The following PRKN variants were observed in gnomAD, a reference collection of about 807,000 sequenced individuals.
The protein encoded by PRKN is parkin RBR E3 ubiquitin protein ligase.
In PRKN, 56 loss-of-function variants were observed where a neutral mutation model predicts 59.5. The ratio of observed to expected loss-of-function variants is 0.94; its 90% CI spans 0.76 to 1.18. PRKN has a LOEUF of 1.18. Among genes scored for constraint, PRKN ranks in the 50% most tolerant of loss-of-function variants. PRKN has a pLI of 0.00. For synonymous variants in PRKN, 250 were observed against 222.1 expected (o/e 1.13, Z -1.12); for missense variants, 657 against 596.4 (o/e 1.10, Z -1.06).
chr6:162,507,759 T>C (rs2080840547), intron 1 of PRKN, among the ~76,000 whole-genome samples: 1 of 152,204 alleles, frequency 6.6e-6, no homozygotes, highest in African/African-American at 2.4e-5. Context: ...AGTGTGAGCT[T>C]CAACAAGACG....
intron 4 of PRKN, among the ~76,000 whole-genome samples, chr6:162,137,372 T>C (rs1781595430): frequency 6.6e-6 from 1 of 152,198 alleles, no homozygotes; most frequent in Non-Finnish European, 1.5e-5. Flanking sequence ...CAAATGTCTG[T>C]AGAGATTACA....
chr6:161,388,529 G>T lies in PRKN; in HGVS notation c.1084-1652C>A, dbSNP rs1366239569. Among the ~76,000 whole-genome samples the T allele has an allele frequency of 1.3e-5, 2 of 152,182 alleles. No homozygotes were observed. Among genetic ancestry groups the T allele is most frequent in the East Asian group, 3.9e-4 (2 of 5,188 alleles). On this transcript the variant is annotated intron_variant, in intron 9 of 11. Transcript: ENST00000366898. This position sits in a 1 kb window ranked among gnomAD's most constrained non-coding sequence, Gnocchi z 4.3. ...TCCACAAGTATGGTGTGTGGATGATGGTGGTGGTCTTAGAGCATAGAGGCA... is the reference window on the plus strand; with the variant it reads ...TCCACAAGTATGGTGTGTGGATGATTGTGGTGGTCTTAGAGCATAGAGGCA...
At chr6:161,829,942 G>A (rs181973429) in intron 6 of PRKN, among the ~76,000 whole-genome samples, 3 of 151,994 alleles carry the variant, frequency 2.0e-5, no homozygotes, top group African/African-American at 7.2e-5. Context: ...CTAGGGATCT[G>A]CCTCTCGCCA....
chr6:162,666,798 C>T, intron 1 of PRKN, among the ~76,000 whole-genome samples: 1 of 151,984 alleles, frequency 6.6e-6, no homozygotes, highest in South Asian at 2.1e-4. Context: ...TATGAGCTAC[C>T]TTGGTATCTA....
chr6:161,685,191 C>A (rs1034836170), intron 7 of PRKN, among the ~76,000 whole-genome samples: 1 of 152,106 alleles, frequency 6.6e-6, no homozygotes, highest in Admixed American at 6.5e-5. Context: ...GCAGTTTTTT[C>A]TACTTCATCT....
rs1330078758 is a variant in PRKN, at chr6:161,402,780, T to C, written c.1084-15903A>G. ...GTTAGAGGAGGGCAAGGAGAGGAAT[T>C]GTATGGTGAATAAAGGTTGTCTTAT... On this transcript the variant is annotated intron_variant, in intron 9 of 11. Transcript: ENST00000366898. The surrounding 1 kb of genome is among the most constrained non-coding windows in gnomAD (Gnocchi z 4.5). Among the ~76,000 whole-genome samples, 1 of 151,744 alleles carries C rather than the reference T, an allele frequency of 6.6e-6. No homozygotes were observed. The highest frequency in any genetic ancestry group is 1.9e-4 in the East Asian group (1 of 5,176).
chr6:161,685,342 T>C (rs1785514899), intron 7 of PRKN, among the ~76,000 whole-genome samples: 1 of 152,186 alleles, frequency 6.6e-6, no homozygotes, highest in Non-Finnish European at 1.5e-5. Flanking sequence ...GCATGATTTC[T>C]CCAGAATCAG....
rs889427196 is a variant in PRKN at position 161,988,746 on chromosome 6, G to A, written c.619-15329C>T. On this transcript the variant is annotated intron_variant, in intron 5 of 11. Coordinates refer to ENST00000366898, the MANE Select transcript of PRKN (RefSeq NM_004562.3). ...ATATAAATCATAAACACAGAGAAGC[G>A]GAACCCAAAAAAAAATTGCAGAAAA... Among the ~76,000 whole-genome samples, 11 of 151,788 alleles carry A rather than the reference G, an allele frequency of 7.2e-5. No homozygotes were observed. In the East Asian group the frequency reaches 1.4e-3, roughly 19 times the overall value.
intron 6 of PRKN, among the ~76,000 whole-genome samples, chr6:161,903,491 G>A (rs1041186600): frequency 5.3e-5 from 8 of 152,276 alleles, no homozygotes; most frequent in East Asian, 1.9e-4. Flanking sequence ...GCTGACAGCC[G>A]CCATCTACCT....
At chr6:161,629,425 C>T (rs1783213212) in intron 7 of PRKN, among the ~76,000 whole-genome samples, 1 of 152,036 alleles carries the variant, frequency 6.6e-6, no homozygotes, top group Non-Finnish European at 1.5e-5. Flanking sequence ...TGCCCAATCA[C>T]CCCTCCCTTT....
At chr6:162,615,954 A>C (rs1223261900) in intron 1 of PRKN, among the ~76,000 whole-genome samples, 1 of 152,224 alleles carries the variant, frequency 6.6e-6, no homozygotes, top group African/African-American at 2.4e-5. Flanking sequence ...CTTTAGTCCT[A>C]AACCAAGAAG....
At chr6:162,485,904 G>A (rs1165821856) in intron 1 of PRKN, among the ~76,000 whole-genome samples, 1 of 152,134 alleles carries the variant, frequency 6.6e-6, no homozygotes, top group East Asian at 1.9e-4. Flanking sequence ...AAATCCTAAA[G>A]AACCATAATC....
chr6:161,847,073 GC>G, intron 6 of PRKN, among the ~76,000 whole-genome samples: 1 of 152,296 alleles, frequency 6.6e-6, no homozygotes, highest in South Asian at 2.1e-4. Context: ...ACTGTGGGAG[GC>G]CGGGGTGGGC....
At chr6:162,095,085 G>A (rs926177430) in intron 4 of PRKN, among the ~76,000 whole-genome samples, 4 of 152,158 alleles carry the variant, frequency 2.6e-5, no homozygotes, top group Non-Finnish European at 5.9e-5. Context: ...TGGCTGGGGT[G>A]AAGCCATCTT....
intron 4 of PRKN, among the ~76,000 whole-genome samples, chr6:162,141,595 G>A (rs1375140094): frequency 6.6e-6 from 1 of 152,148 alleles, no homozygotes. Context: ...AAGAAAACAT[G>A]CTTGATTTGG....
intron 7 of PRKN, among the ~76,000 whole-genome samples, chr6:161,604,733 G>A (rs997886482): frequency 1.8e-4 from 28 of 152,104 alleles, no homozygotes; most frequent in African/African-American, 6.3e-4. Flanking sequence ...ACAGGAGTTC[G>A]AGACCAGCCT....
chr6:162,308,731 G>A (rs535955785), intron 2 of PRKN, among the ~76,000 whole-genome samples: 23 of 152,210 alleles, frequency 1.5e-4, no homozygotes, highest in African/African-American at 5.3e-4. Context: ...AACACTGACT[G>A]TAAACAGCCA....
intron 7 of PRKN, among the ~76,000 whole-genome samples, chr6:161,623,738 G>A (rs1407293965): frequency 1.3e-5 from 2 of 152,110 alleles, no homozygotes; most frequent in African/African-American, 4.8e-5. Flanking sequence ...AACTACATTG[G>A]TTTTGCAGAT....
At chr6:161,771,334 C>T (rs552613252) in intron 7 of PRKN, among the ~76,000 whole-genome samples, 23 of 130,902 alleles carry the variant, frequency 1.8e-4, no homozygotes, top group African/African-American at 4.3e-4. Context: ...CCAGCTTGGG[C>T]GACAGAACAA....
Sources: gnomAD v4.1 joint callset for allele counts (sites outside exome capture counted in the v4.1 genomes callset) on GRCh38, gnomAD v4.1.1 for gene constraint, Gnocchi (gnomAD v3.1) non-coding constraint, MANE v1.5 for transcripts, NCBI Gene and HGNC (gene_info 2026-07-23, HGNC 2026-07-21) for gene names.